The following ANKRD28 variants were observed in gnomAD, a reference collection of about 807,000 sequenced individuals.
ANKRD28 encodes ankyrin repeat domain 28, also known as serine/threonine-protein phosphatase 6 regulatory ankyrin repeat subunit A.
A neutral mutation model predicts 126.5 loss-of-function variants in ANKRD28; 44 were observed. The observed-to-expected ratio is 0.35, with a 90% CI of 0.27 to 0.45. The LOEUF (loss-of-function observed/expected upper bound fraction) is 0.45. Ranked by LOEUF, ANKRD28 falls within the 20% of genes least tolerant of loss-of-function variation. The pLI is 1.00. For synonymous variants in ANKRD28, 442 were observed against 468.5 expected, an observed-to-expected ratio of 0.94 and a Z score of 0.73; for missense variants, 1,110 against 1,316.6, an observed-to-expected ratio of 0.84 and a Z score of 2.43.
intron 13 of ANKRD28, among the ~76,000 whole-genome samples, chr3:15,708,806 C>A (rs1048154666): frequency 6.6e-6 from 1 of 152,106 alleles, no homozygotes; most frequent in African/African-American, 2.4e-5. Flanking sequence ...TGATTTCCTA[C>A]CATGCATAAT....
intron 4 of ANKRD28, among the ~76,000 whole-genome samples, chr3:15,745,259 T>C (rs2057398964): frequency 6.6e-6 from 1 of 152,132 alleles, no homozygotes; most frequent in African/African-American, 2.4e-5. Context: ...ATTTTTTGCT[T>C]TTGGATTCTT....
At chr3:15,704,447 C>A (rs1466765784) in intron 14 of ANKRD28, among the ~76,000 whole-genome samples, 1 of 152,070 alleles carries the variant, frequency 6.6e-6, no homozygotes, top group African/African-American at 2.4e-5. Context: ...GTATAAACAA[C>A]AACTTTTCCT....
At chr3:15,807,435 AT>A (rs1319105264) in intron 1 of ANKRD28, among the ~76,000 whole-genome samples, 1 of 152,238 alleles carries the variant, frequency 6.6e-6, no homozygotes, top group Non-Finnish European at 1.5e-5. Flanking sequence ...CAAGGAAATC[AT>A]TTTATAAATG....
At chr3:15,800,568 G>A (rs1379766685), upstream of ANKRD28, among the ~76,000 whole-genome samples, 1 of 152,044 alleles carries the variant, frequency 6.6e-6, no homozygotes, top group East Asian at 1.9e-4. Context: ...ATTAATGTCT[G>A]GAGATCCCAT....
At chr3:15,765,869 C>A (rs941084568) in intron 3 of ANKRD28, among the ~76,000 whole-genome samples, 20 of 147,492 alleles carry the variant, frequency 1.4e-4, no homozygotes, top group African/African-American at 5.0e-4. Context: ...AAAAAACCAA[C>A]CAAAAAAACC....
chr3:15,731,261 A>C (rs1559424498), intron 6 of ANKRD28, among the ~76,000 whole-genome samples: 2 of 152,216 alleles, frequency 1.3e-5, no homozygotes, highest in African/African-American at 4.8e-5. Flanking sequence ...CTGGGAGCTC[A>C]ACTACAGGCA....
chr3:15,797,420 T>C lies in ANKRD28; in HGVS notation c.-899A>G. The C allele has an allele frequency of 3.0e-6, 3 of 985,432 alleles. No individual in the cohort carries two copies. The highest frequency in any genetic ancestry group is 3.6e-6 in the Non-Finnish European group (3 of 829,976). 61.0% of individuals were successfully genotyped at this position (985,432 alleles called of 1,614,324 possible). A position where few individuals can be genotyped will look rare whatever the true frequency, so the allele number is the denominator to read the frequency against. The stretch of plus-strand genomic sequence containing the variant: ...TCATTCTTTCTCCATCAGGCAGTTG[T>C]CTGTGGCTGCTCCAGCAAAAGGGCA... On this transcript the variant is annotated 5_prime_UTR_variant, in exon 1 of 28. Transcript: ENST00000683139.
At chr3:15,751,409 T>G (rs2057854321) in intron 4 of ANKRD28, among the ~76,000 whole-genome samples, 1 of 152,198 alleles carries the variant, frequency 6.6e-6, no homozygotes, top group Non-Finnish European at 1.5e-5. Flanking sequence ...GATGAGATTC[T>G]TTCTTGATCA....
rs1194574378 is a variant in ANKRD28 at position 15,853,012 on chromosome 3, G to A, written c.27+6365C>T. Among the ~76,000 whole-genome samples the A allele has an allele frequency of 1.3e-5, 2 of 151,928 alleles. No individual in the cohort carries two copies. The highest frequency in any genetic ancestry group is 2.4e-5 in the African/African-American group (1 of 41,318). On this transcript the variant is annotated intron_variant, in intron 1 of 27. Transcript: ENST00000399451. The surrounding 1 kb of genome is among the most constrained non-coding windows in gnomAD (Gnocchi z 4.2). Reference sequence around the variant, plus strand: ...AAATCAGTATCGCTTAAGGAGGGTGGATGAATAATTTAATAGCATAACTAA... The same window carrying A: ...AAATCAGTATCGCTTAAGGAGGGTGAATGAATAATTTAATAGCATAACTAA...
intron 15 of ANKRD28, among the ~76,000 whole-genome samples, chr3:15,695,703 C>T (rs867392659): frequency 2.6e-5 from 4 of 152,064 alleles, no homozygotes; most frequent in African/African-American, 9.7e-5. Flanking sequence ...GAAATAAAAA[C>T]GTCCTCTGCA....
At chr3:15,721,176 T>G in intron 7 of ANKRD28, 49 bp from the exon 8 acceptor site, 1 of 1,531,646 alleles carries the variant, frequency 6.5e-7, no homozygotes. Flanking sequence ...TTGCTAATTA[T>G]CAATGTTGTG....
intron 1 of ANKRD28, among the ~76,000 whole-genome samples, chr3:15,811,202 T>A (rs1414228940): frequency 1.3e-5 from 2 of 152,174 alleles, no homozygotes; most frequent in Non-Finnish European, 1.5e-5. Flanking sequence ...TTTATTTTGA[T>A]CTTTAAAAGA....
At chr3:15,734,602 C>G (rs769217630) in intron 6 of ANKRD28, among the ~76,000 whole-genome samples, 3 of 152,196 alleles carry the variant, frequency 2.0e-5, no homozygotes, top group Non-Finnish European at 2.9e-5. Context: ...TGTCTACAAC[C>G]ATGGCTTCTT....
At chr3:15,837,055 G>C (rs1171825934) in intron 1 of ANKRD28, among the ~76,000 whole-genome samples, 1 of 143,488 alleles carries the variant, frequency 7.0e-6, no homozygotes, top group Non-Finnish European at 1.5e-5. Context: ...AGCCGAGGTC[G>C]CACCACTGCA....
intron 5 of ANKRD28, 150 bp downstream of exon 5, chr3:15,736,883 T>C (rs2075054840): frequency 1.3e-6 from 1 of 768,028 alleles, no homozygotes; most frequent in African/African-American, 1.7e-5. Context: ...TTTCTAAATT[T>C]GAGAAAGTTA....
At chr3:15,692,098 C>T (rs1250166456) in intron 17 of ANKRD28, among the ~76,000 whole-genome samples, 2 of 150,100 alleles carry the variant, frequency 1.3e-5, no homozygotes, top group Non-Finnish European at 3.0e-5. Context: ...TGGGAATGCA[C>T]CACTGCAACC....
At chr3:15,785,903 G>A (rs1478127534) in intron 2 of ANKRD28, among the ~76,000 whole-genome samples, 4 of 151,910 alleles carry the variant, frequency 2.6e-5, no homozygotes, top group Admixed American at 2.6e-4. Flanking sequence ...TAGAAGAAAT[G>A]TAAATGCATA....
At chr3:15,737,324 G>A in intron 4 of ANKRD28, 91 bp from the exon 5 acceptor site, 1 of 1,061,620 alleles carries the variant, frequency 9.4e-7, no homozygotes, top group African/African-American at 1.6e-5. Flanking sequence ...GTATAAATAT[G>A]TATCTACATA....
At chr3:15,719,843 G>A (rs1010754566) in intron 8 of ANKRD28, among the ~76,000 whole-genome samples, 6 of 151,968 alleles carry the variant, frequency 3.9e-5, no homozygotes, top group Admixed American at 2.6e-4. Flanking sequence ...GCGTGAGCCA[G>A]ACTGTATCCG....
Sources: allele counts gnomAD v4.1 joint callset (sites outside exome capture counted in the v4.1 genomes callset), GRCh38; gene constraint gnomAD v4.1.1; non-coding constraint Gnocchi (gnomAD v3.1); transcripts MANE v1.5; gene names NCBI Gene and HGNC (gene_info 2026-07-23, HGNC 2026-07-21).